IMMP2L: variants seen among roughly 807,000 people sequenced by gnomAD.
IMMP2L encodes the protein mitochondrial inner membrane protease subunit 2.
IMMP2L carries 18 observed loss-of-function variants against 19.3 expected under a neutral mutation model. The observed-to-expected ratio is 0.93, with a 90% CI of 0.64 to 1.38. The LOEUF is 1.38. Ranked by LOEUF, IMMP2L falls within the 40% of genes most tolerant of loss-of-function variation. The pLI is 0.00. For missense variants in IMMP2L, 233 were observed against 218.2 expected (o/e 1.07, Z -0.43); for synonymous variants, 76 against 73.0 (o/e 1.04, Z -0.21).
intron 3 of IMMP2L, among the ~76,000 whole-genome samples, chr7:111,135,504 T>C (rs1203494918): frequency 6.6e-6 from 1 of 152,160 alleles, no homozygotes; most frequent in Non-Finnish European, 1.5e-5. Context: ...TTTTACTGTA[T>C]TGGGAAAAGC....
intron 3 of IMMP2L, among the ~76,000 whole-genome samples, chr7:111,355,632 C>A (rs979235354): frequency 6.6e-6 from 1 of 151,854 alleles, no homozygotes; most frequent in African/African-American, 2.4e-5. Context: ...AATAGAAAAA[C>A]CTTCTGGTCA....
chr7:111,552,502 G>A (rs909201460), intron 1 of IMMP2L, among the ~76,000 whole-genome samples: 1 of 152,158 alleles, frequency 6.6e-6, no homozygotes, highest in African/African-American at 2.4e-5. Context: ...TGGCCAGGCT[G>A]TTCTCAAACT....
At chr7:110,810,746 T>G (rs551532962) in intron 5 of IMMP2L, among the ~76,000 whole-genome samples, 1 of 152,022 alleles carries the variant, frequency 6.6e-6, no homozygotes. Flanking sequence ...CTAATTCAGT[T>G]TGAAAGTGAT....
chr7:110,739,512 C>A (rs377508246), intron 5 of IMMP2L, among the ~76,000 whole-genome samples: 2 of 152,202 alleles, frequency 1.3e-5, no homozygotes, highest in African/African-American at 4.8e-5. Flanking sequence ...AGGAAAATAT[C>A]ACAGTTCTAA....
At chr7:111,392,026 A>G (rs541070815) in intron 3 of IMMP2L, 1 of 701,898 alleles carries the variant, frequency 1.4e-6, no homozygotes, top group African/African-American at 1.7e-5. Context: ...CTACCTTTGT[A>G]TATGCAAATT....
intron 3 of IMMP2L, among the ~76,000 whole-genome samples, chr7:111,181,655 C>T (rs903169773): frequency 6.6e-6 from 1 of 151,962 alleles, no homozygotes; most frequent in African/African-American, 2.4e-5. Context: ...ATTTTGGAAG[C>T]AGATACTAAG....
intron 5 of IMMP2L, among the ~76,000 whole-genome samples, chr7:110,807,597 T>A (rs1406211333): frequency 1.3e-5 from 2 of 152,066 alleles, no homozygotes; most frequent in African/African-American, 2.4e-5. Context: ...CCCAAAGCAT[T>A]AATTTTTAAA....
chr7:110,989,531 CAAA>C (rs778163183), intron 3 of IMMP2L, among the ~76,000 whole-genome samples: 9 of 60,952 alleles, frequency 1.5e-4, no homozygotes, highest in Admixed American at 3.6e-4. Context: ...CTCTGTCTCC[CAAA>C]AAAAAAAAAA....
At chr7:110,825,615 A>C (rs1364194454) in intron 5 of IMMP2L, among the ~76,000 whole-genome samples, 2 of 152,092 alleles carry the variant, frequency 1.3e-5, no homozygotes, top group Non-Finnish European at 2.9e-5. Flanking sequence ...AAATGGTGCT[A>C]GGAAAACTGG....
chr7:111,167,284 A>G (rs967104207), intron 3 of IMMP2L, among the ~76,000 whole-genome samples: 2 of 151,872 alleles, frequency 1.3e-5, no homozygotes, highest in African/African-American at 4.8e-5. Context: ...GACCCTAACT[A>G]ACTGATTATC....
intron 3 of IMMP2L, among the ~76,000 whole-genome samples, chr7:111,332,249 G>A (rs1484759500): frequency 2.0e-5 from 3 of 151,546 alleles, no homozygotes; most frequent in South Asian, 2.1e-4. Context: ...TTCAAAAATC[G>A]AATAGTAAAA....
At chr7:110,694,628 C>T (rs549605884) in intron 5 of IMMP2L, among the ~76,000 whole-genome samples, 2 of 151,738 alleles carry the variant, frequency 1.3e-5, no homozygotes, top group East Asian at 1.9e-4. Flanking sequence ...ACAGAGAGAG[C>T]GAGAGAAAGA....
chr7:111,022,506 G>A (rs1172506331), intron 3 of IMMP2L, among the ~76,000 whole-genome samples: 1 of 152,140 alleles, frequency 6.6e-6, no homozygotes, highest in Non-Finnish European at 1.5e-5. Context: ...GAAAGGAGAA[G>A]ACTTTTGAAA....
At chr7:110,773,728 T>A (rs1022367092) in intron 5 of IMMP2L, among the ~76,000 whole-genome samples, 4 of 151,978 alleles carry the variant, frequency 2.6e-5, no homozygotes, top group Non-Finnish European at 2.9e-5. Context: ...AGTTCTTAGG[T>A]GAGAAAGGAC....
At chr7:111,137,416 A>T (rs1410074213) in intron 3 of IMMP2L, among the ~76,000 whole-genome samples, 3 of 152,156 alleles carry the variant, frequency 2.0e-5, no homozygotes, top group Non-Finnish European at 4.4e-5. Flanking sequence ...AAAATACGTT[A>T]AGCCAGAATT....
At chr7:111,048,027 C>G (rs779057477) in intron 3 of IMMP2L, among the ~76,000 whole-genome samples, 2 of 151,868 alleles carry the variant, frequency 1.3e-5, no homozygotes, top group Admixed American at 6.6e-5. Context: ...ATCACAAGGT[C>G]AGAAGATTGA....
rs528513216 is a variant in IMMP2L at position 111,382,351 on chromosome 7, C to A, written c.239+104887G>T. 1.3e-5 allele frequency among the ~76,000 whole-genome samples: 2 copies of A among 150,930 alleles called. 1 individual carries two copies. Among genetic ancestry groups the A allele is most frequent in the African/African-American group, 4.9e-5 (2 of 40,622 alleles). On this transcript the variant is annotated intron_variant, in intron 3 of 5. Coordinates refer to ENST00000405709, the MANE Select transcript of IMMP2L (RefSeq NM_032549.4). ...GAAGCATTGAAAAGTATACACAATG[C>A]CAGAAAAAAAATCAAAAAGTATTTG...
intron 5 of IMMP2L, among the ~76,000 whole-genome samples, chr7:110,860,656 G>A (rs1014866698): frequency 2.0e-5 from 3 of 151,952 alleles, no homozygotes; most frequent in Non-Finnish European, 2.9e-5. Flanking sequence ...AATGTATACC[G>A]CACTGATGCT....
At chr7:111,028,952 A>G (rs1391787593) in intron 3 of IMMP2L, among the ~76,000 whole-genome samples, 1 of 152,184 alleles carries the variant, frequency 6.6e-6, no homozygotes, top group Non-Finnish European at 1.5e-5. Flanking sequence ...TCAGAAATAC[A>G]TCTAATGGAT....
Sources: allele counts gnomAD v4.1 joint callset (sites outside exome capture counted in the v4.1 genomes callset), GRCh38; gene constraint gnomAD v4.1.1; transcripts MANE v1.5; gene names NCBI Gene and HGNC (gene_info 2026-07-23, HGNC 2026-07-21).